The following MEF2C variants were observed in gnomAD, a reference collection of about 807,000 sequenced individuals.
MEF2C encodes the protein myocyte enhancer factor 2C.
Under a neutral mutation model 50.5 loss-of-function variants are expected in MEF2C, and 6 were observed. That is an observed-to-expected ratio of 0.12 (90% confidence interval 0.07 to 0.23). The LOEUF (loss-of-function observed/expected upper bound fraction) is 0.23, where lower values mean the gene tolerates loss of function less well. Ranked by LOEUF, MEF2C falls within the 10% of genes least tolerant of loss-of-function variation. The pLI is 1.00. For missense variants in MEF2C, 276 were observed against 605.0 expected, an observed-to-expected ratio of 0.46 and a Z score of 5.70; for synonymous variants, 183 against 228.0, an observed-to-expected ratio of 0.80 and a Z score of 1.78.
At chr5:88,743,024 C>G in intron 6 of MEF2C, 6 of 973,282 alleles carry the variant, frequency 6.2e-6, no homozygotes, top group Non-Finnish European at 7.3e-6. Flanking sequence ...CAAGGTAAAA[C>G]TGCCAATGAA....
intron 3 of MEF2C, among the ~76,000 whole-genome samples, chr5:88,777,870 G>GAAAAGA (rs978822588): frequency 1.4e-5 from 2 of 147,350 alleles, no homozygotes; most frequent in Non-Finnish European, 3.0e-5. Flanking sequence ...AAGCCCCAAG[G>GAAAAGA]AAAAGAAAGG....
Position 88,740,021 on chromosome 5 carries a change from T to C in MEF2C, c.638-8120A>G, listed in dbSNP as rs148756616. The C allele has an allele frequency of 4.5e-5, 44 of 985,362 alleles. No individual in the cohort carries two copies. In the East Asian group the frequency reaches 4.3e-3, roughly 97 times the overall value. The allele number at this position is 985,362 out of a possible 1,614,324, so 61.0% of individuals were successfully genotyped here. A position where few individuals can be genotyped will look rare whatever the true frequency, so the allele number is the denominator to read the frequency against. On this transcript the variant is annotated intron_variant, in intron 6 of 10. Coordinates refer to ENST00000504921, the MANE Select transcript of MEF2C (RefSeq NM_002397.5). ...ACTTCTCTGAAACCTCAGTGCATTT[T>C]GTGGTATATTCTTAGAGAAATACCC...
In MEF2C at chr5:88,900,860, T is replaced by C. The variant is rs151135464; in HGVS notation, c.-240+3056A>G. On this transcript the variant is annotated intron_variant, in intron 1 of 11. Transcript: ENST00000340208. ...AGGTCACCACCTTGGTGACCTTTGG[T>C]AAATTTCATTTTTGTTCTTTGATTT... Among the ~76,000 whole-genome samples the C allele has an allele frequency of 2.2e-3, 329 of 152,138 alleles. 1 individual carries two copies. The highest frequency in any genetic ancestry group is 7.7e-3 in the African/African-American group (318 of 41,560).
intron 1 of MEF2C, among the ~76,000 whole-genome samples, chr5:88,827,374 C>A (rs1811329341): frequency 6.6e-6 from 1 of 151,860 alleles, no homozygotes; most frequent in Non-Finnish European, 1.5e-5. Context: ...TGTCAGCAAC[C>A]ACGAACAATA....
rs1755177437 is a variant in MEF2C, at chr5:88,718,136, C to G, written c.*4468G>C. The G allele has an allele frequency of 6.6e-6, 1 of 152,132 alleles. No homozygotes were observed. The highest frequency in any genetic ancestry group is 6.5e-5 in the Admixed American group (1 of 15,270). The allele number at this position is 152,132 out of a possible 1,614,324, so 9.4% of individuals were successfully genotyped here. On this transcript the variant is annotated 3_prime_UTR_variant, in exon 11 of 11. Transcript: ENST00000504921. ...TATTTTGAGTTGAAAACTGAGAAAG[C>G]TCATTTGTGCTTGTGGCATAAGCTG...
intron 4 of MEF2C, among the ~76,000 whole-genome samples, chr5:88,759,608 C>T (rs1776959467): frequency 6.6e-6 from 1 of 152,174 alleles, no homozygotes; most frequent in Admixed American, 6.5e-5. Flanking sequence ...AACAAGTATG[C>T]ATGGCTACAT....
chr5:88,742,595 A>G, intron 6 of MEF2C: 1 of 985,014 alleles, frequency 1.0e-6, no homozygotes, highest in Non-Finnish European at 1.2e-6. Context: ...AACACTCTCT[A>G]GGAAGTTATA....
intron 1 of MEF2C, among the ~76,000 whole-genome samples, chr5:88,897,801 G>C (rs766131887): frequency 4.6e-5 from 7 of 152,146 alleles, no homozygotes; most frequent in Non-Finnish European, 1.0e-4. Context: ...CTAAATGTTA[G>C]TTTTCCTGTT....
intron 2 of MEF2C, among the ~76,000 whole-genome samples, chr5:88,819,860 A>T (rs1166564523): frequency 6.6e-6 from 1 of 151,896 alleles, no homozygotes; most frequent in African/African-American, 2.4e-5. Context: ...TGAGACAAAA[A>T]CTATATGGCT....
chr5:88,902,375 A>G (rs1244151092), intron 1 of MEF2C, among the ~76,000 whole-genome samples: 3 of 151,944 alleles, frequency 2.0e-5, no homozygotes, highest in African/African-American at 7.2e-5. Context: ...TATATATGTA[A>G]CAATTTATAA....
chr5:88,751,435 AT>A (rs1772696986), intron 5 of MEF2C: 1 of 985,190 alleles, frequency 1.0e-6, no homozygotes, highest in Non-Finnish European at 1.2e-6. Context: ...ATTGACCCAA[AT>A]AATAAATAAC....
At chr5:88,750,874 G>T (rs1772414976) in intron 5 of MEF2C, among the ~76,000 whole-genome samples, 2 of 152,218 alleles carry the variant, frequency 1.3e-5, no homozygotes, top group South Asian at 4.1e-4. Context: ...ATTCCTCCAT[G>T]AATAAACTAT....
chr5:88,723,637 A>G (rs1397568023), intron 10 of MEF2C, among the ~76,000 whole-genome samples: 1 of 152,266 alleles, frequency 6.6e-6, no homozygotes, highest in East Asian at 1.9e-4. Flanking sequence ...GACTTTCTTC[A>G]TCCTTTTGCA....
At chr5:88,872,190 T>C (rs1829731162) in intron 1 of MEF2C, among the ~76,000 whole-genome samples, 1 of 152,028 alleles carries the variant, frequency 6.6e-6, no homozygotes, top group Admixed American at 6.6e-5. Context: ...CACCTAGAAC[T>C]CTTGGCGAGG....
At chr5:88,856,703 C>T (rs1325424640) in intron 1 of MEF2C, among the ~76,000 whole-genome samples, 1 of 152,248 alleles carries the variant, frequency 6.6e-6, no homozygotes, top group Non-Finnish European at 1.5e-5. Flanking sequence ...GTTCAAGCTC[C>T]AAGCCTGGCG....
intron 1 of MEF2C, chr5:88,844,730 T>G: frequency 8.7e-6 from 2 of 228,934 alleles, no homozygotes; most frequent in Non-Finnish European, 1.4e-5. Context: ...AAATTTTAAA[T>G]AGTGTTATAG....
chr5:88,771,572 G>A, intron 3 of MEF2C: 2 of 985,378 alleles, frequency 2.0e-6, no homozygotes, highest in Non-Finnish European at 2.4e-6. Flanking sequence ...TGAGTTCTGT[G>A]AAAAATGGGC....
At chr5:88,726,172 A>G (rs1758604134) in intron 10 of MEF2C, among the ~76,000 whole-genome samples, 1 of 152,174 alleles carries the variant, frequency 6.6e-6, no homozygotes, top group African/African-American at 2.4e-5. Context: ...ATTTTGAGAA[A>G]GAATTGTGGT....
intron 6 of MEF2C, chr5:88,735,417 T>C: frequency 1.0e-6 from 1 of 985,322 alleles, no homozygotes; most frequent in African/African-American, 1.7e-5. Context: ...TATGCAGATG[T>C]CACATTCCTC....
Sources: allele counts gnomAD v4.1 joint callset (sites outside exome capture counted in the v4.1 genomes callset), GRCh38; gene constraint gnomAD v4.1.1; transcripts MANE v1.5; gene names NCBI Gene and HGNC (gene_info 2026-07-23, HGNC 2026-07-21).